ADAM28: variants seen among roughly 807,000 people sequenced by gnomAD.
ADAM28 encodes ADAM metallopeptidase domain 28.
In ADAM28, 105 loss-of-function variants were observed where a neutral mutation model predicts 101.2. The ratio of observed to expected loss-of-function variants is 1.04; its 90% CI spans 0.89 to 1.22. The LOEUF is 1.22. Among genes scored for constraint, ADAM28 ranks in the 50% most tolerant of loss-of-function variants. The pLI is 0.00. For synonymous variants in ADAM28, 322 were observed against 310.6 expected (o/e 1.04, Z -0.39); for missense variants, 1,028 against 945.4 (o/e 1.09, Z -1.15).
At chr8:24,346,126 C>T (rs545163993) in intron 18 of ADAM28, among the ~76,000 whole-genome samples, 2 of 152,034 alleles carry the variant, frequency 1.3e-5, no homozygotes, top group South Asian at 4.2e-4. Context: ...TAGCTATGGT[C>T]CTAAATCTAA....
At chr8:24,311,461 A>C (rs773078035) in intron 5 of ADAM28, 24 bp downstream of exon 5, 3 of 1,593,680 alleles carry the variant, frequency 1.9e-6, no homozygotes, top group Non-Finnish European at 2.6e-6. Context: ...AATGTTTTGC[A>C]TGTACCTGTG....
intron 14 of ADAM28, 72 bp downstream of exon 14, chr8:24,335,713 G>A: frequency 1.4e-6 from 2 of 1,451,078 alleles, no homozygotes; most frequent in South Asian, 1.5e-5. Flanking sequence ...TTTAACCATG[G>A]TCAAAGGACC....
intron 11 of ADAM28, 85 bp from the exon 12 acceptor site, chr8:24,331,065 G>A: frequency 7.5e-7 from 1 of 1,328,634 alleles, no homozygotes; most frequent in Non-Finnish European, 1.0e-6. Flanking sequence ...GGCAGGCCGT[G>A]GGTGTAATTG....
At chr8:24,305,509 C>T (rs1303638516) in intron 2 of ADAM28, among the ~76,000 whole-genome samples, 1 of 138,682 alleles carries the variant, frequency 7.2e-6, no homozygotes, top group African/African-American at 2.7e-5. Flanking sequence ...TCTACTCCTC[C>T]TTCACCCTCA....
chr8:24,332,834 A>G, intron 13 of ADAM28, 85 bp downstream of exon 13: 3 of 702,448 alleles, frequency 4.3e-6, no homozygotes, highest in Non-Finnish European at 6.2e-6. Flanking sequence ...TGAAATAAGC[A>G]ATGCAATATT....
chr8:24,347,109 T>C (rs556893055), intron 18 of ADAM28: 2 of 152,210 alleles, frequency 1.3e-5, no homozygotes, highest in South Asian at 2.1e-4. Flanking sequence ...ATTCTAGTGA[T>C]TGGATTAAGG....
At chr8:24,315,237 C>T (rs1811009743) in intron 6 of ADAM28, among the ~76,000 whole-genome samples, 4 of 151,782 alleles carry the variant, frequency 2.6e-5, no homozygotes, top group Admixed American at 2.0e-4. Context: ...GATGGAAGAA[C>T]ATATTCCATG....
At chr8:24,322,299 C>A (rs1402214720) in intron 8 of ADAM28, among the ~76,000 whole-genome samples, 2 of 151,730 alleles carry the variant, frequency 1.3e-5, no homozygotes, top group African/African-American at 4.8e-5. Context: ...GATGGGGAGG[C>A]GCAAGGTGTT....
At chr8:24,312,243 C>A (rs547741792) in intron 5 of ADAM28, among the ~76,000 whole-genome samples, 1 of 152,228 alleles carries the variant, frequency 6.6e-6, no homozygotes, top group South Asian at 2.1e-4. Flanking sequence ...AAACCTCAAT[C>A]TCAGTATGCC....
chr8:24,353,494 T>TTAA (rs1305619120), intron 21 of ADAM28, among the ~76,000 whole-genome samples: 30 of 152,268 alleles, frequency 2.0e-4, no homozygotes, highest in African/African-American at 7.2e-4. Context: ...AATGGAGCAC[T>TTAA]TAATTCTTCA....
intron 18 of ADAM28, chr8:24,346,919 TAAACACAGG>T (rs1313570313): frequency 1.3e-5 from 2 of 152,120 alleles, no homozygotes; most frequent in Non-Finnish European, 2.9e-5. Context: ...ATAAAGTTTT[TAAACACAGG>T]AAACACAGCT....
At chr8:24,353,500 C>A (rs1816413207) in intron 21 of ADAM28, among the ~76,000 whole-genome samples, 1 of 152,058 alleles carries the variant, frequency 6.6e-6, no homozygotes, top group Non-Finnish European at 1.5e-5. Flanking sequence ...GCACTTAATT[C>A]TTCAACTGTT....
intron 2 of ADAM28, among the ~76,000 whole-genome samples, chr8:24,307,533 C>T (rs1321982321): frequency 1.3e-5 from 2 of 152,006 alleles, no homozygotes; most frequent in African/African-American, 2.4e-5. Context: ...ATCATATTCA[C>T]GATTGTATTT....
chr8:24,327,124 CATG>C (rs967817492), intron 10 of ADAM28, among the ~76,000 whole-genome samples: 8 of 152,082 alleles, frequency 5.3e-5, no homozygotes, highest in African/African-American at 1.9e-4. Context: ...TTGCAGATGA[CATG>C]ATTGTATAAT....
intron 18 of ADAM28, among the ~76,000 whole-genome samples, chr8:24,349,368 T>G (rs1210110802): frequency 6.6e-6 from 1 of 152,214 alleles, no homozygotes; most frequent in Non-Finnish European, 1.5e-5. Context: ...GTCACATAAC[T>G]TCCTGTCTAA....
At chr8:24,296,642 CA>C (rs1312215105) in intron 1 of ADAM28, among the ~76,000 whole-genome samples, 6 of 152,160 alleles carry the variant, frequency 3.9e-5, no homozygotes, top group African/African-American at 1.2e-4. Flanking sequence ...AGACTCAAAA[CA>C]GTCAAAAATA....
At chr8:24,326,518 T>C (rs1411258518) in intron 9 of ADAM28, 36 bp from the exon 10 acceptor site, 1 of 1,578,894 alleles carries the variant, frequency 6.3e-7, no homozygotes, top group East Asian at 2.2e-5. Flanking sequence ...AGCTTAGCAT[T>C]ATAATTTGTT....
intron 22 of ADAM28, among the ~76,000 whole-genome samples, 161 bp from the exon 23 acceptor site, chr8:24,354,223 A>G (rs995774092): frequency 1.4e-4 from 21 of 151,992 alleles, no homozygotes; most frequent in Non-Finnish European, 1.5e-5. Flanking sequence ...CTCCCTTCCT[A>G]TCCTCTCACA....
rs540910698 is a variant in ADAM28, at chr8:24,323,699, G to C, written c.721-135G>C. The stretch of plus-strand genomic sequence containing the variant: ...GTCTACAAAATAGTCAATACATTCT[G>C]TTTCACAAATATGCTTGGAAATAAG... On this transcript the variant is annotated intron_variant, in intron 8 of 22. Coordinates refer to ENST00000265769, the MANE Select transcript of ADAM28 (RefSeq NM_014265.6). The C allele has an allele frequency of 4.6e-5, 41 of 891,270 alleles. 1 individual carries two copies. Among genetic ancestry groups the C allele is most frequent in the Admixed American group, 3.8e-4 (13 of 34,056 alleles). 55.2% of individuals were successfully genotyped at this position (891,270 alleles called of 1,614,324 possible).
Sources: allele counts gnomAD v4.1 joint callset (sites outside exome capture counted in the v4.1 genomes callset), GRCh38; gene constraint gnomAD v4.1.1; transcripts MANE v1.5; gene names NCBI Gene and HGNC (gene_info 2026-07-23, HGNC 2026-07-21).